MYO1A: variants seen among roughly 807,000 people sequenced by gnomAD.
MYO1A encodes the protein unconventional myosin-Ia.
In MYO1A, 127 loss-of-function variants were observed where a neutral mutation model predicts 138.5. The observed-to-expected ratio is 0.92, with a 90% confidence interval of 0.79 to 1.06. The LOEUF (loss-of-function observed/expected upper bound fraction) is 1.06. Ranked by LOEUF, MYO1A falls within the 50% of genes least tolerant of loss-of-function variation. The pLI, the probability that MYO1A is intolerant of heterozygous loss-of-function variation, is 0.00. For missense variants in MYO1A, 1,211 were observed against 1,288.8 expected, an observed-to-expected ratio of 0.94 and a Z score of 0.92; for synonymous variants, 477 against 497.5, an observed-to-expected ratio of 0.96 and a Z score of 0.55.
At chr12:57,036,423 C>A (rs778669575) in intron 21 of MYO1A, 42 bp from the exon 22 acceptor site, 2 of 1,581,736 alleles carry the variant, frequency 1.3e-6, no homozygotes, top group Admixed American at 3.3e-5. Flanking sequence ...TGAAGATAGG[C>A]AGATTCTAGA....
Position 57,029,800 on chromosome 12 carries a change from C to T in MYO1A, c.2664G>A (p.Gly888=), listed in dbSNP as rs1397300559. 1.9e-6 allele frequency: 3 copies of T among 1,614,114 alleles called. No homozygotes were observed. Among genetic ancestry groups the T allele is most frequent in the Non-Finnish European group, 2.5e-6 (3 of 1,180,044 alleles). ...CTGCCATCAGAACAGGCCCCTCCTC[C>T]CCGCCTTTCAGCTTCTGCAGCTTGG... is the stretch of plus-strand genomic sequence containing the variant. ...GNPKLQKLKG[G]EEGPVLMAEA... Residue 888 remains glycine, a synonymous_variant, in exon 25 of 28, where the codon GGG becomes GGA. Transcript: ENST00000300119.
At chr12:57,038,339 G>A (rs771264196) in intron 17 of MYO1A, 73 bp downstream of exon 17, 430 of 1,497,586 alleles carry the variant, frequency 2.9e-4, no homozygotes, top group Admixed American at 7.0e-4. Flanking sequence ...CCACATGGAC[G>A]TGTTCTACAG....
At position 57,047,369 on chromosome 12, in the gene MYO1A, A is replaced by C. The variant is rs1448396851; in HGVS notation, c.364T>G (p.Cys122Gly). 6.2e-7 allele frequency: 1 copy of C among 1,614,158 alleles called. No individual in the cohort carries two copies. The highest frequency in any genetic ancestry group is 8.5e-7 in the Non-Finnish European group (1 of 1,180,010). The change falls in exon 5 of 28, where the codon TGT becomes GGT. Residue 122 changes from cysteine (C) to glycine (G), a missense_variant. Transcript: ENST00000300119. ...GAGTTCACCTGCTCTCCTTTCCCAC[A>C]GACGGCAGCCACATAAGACATCACC... ...KLVMSYVAAV[C>G]GKGEQVNSVK...
At chr12:57,034,387 G>T (rs2030430125) in intron 22 of MYO1A, among the ~76,000 whole-genome samples, 1 of 152,208 alleles carries the variant, frequency 6.6e-6, no homozygotes. Context: ...AAGATAATGG[G>T]TAAGGCCGGG....
chr12:57,039,380 C>A, intron 14 of MYO1A, 106 bp from the exon 15 acceptor site: 1 of 863,464 alleles, frequency 1.2e-6, no homozygotes, highest in East Asian at 2.4e-5. Context: ...ATCAGAAAGC[C>A]CCATAGTTCA....
At position 57,047,691 on chromosome 12, in the gene MYO1A, T is replaced by C; in HGVS notation, c.261A>G (p.Ser87=). ...IYALANVAYQ[S]LRDRDRDQCI... ...ACTGGTCTCGGTCCCTGTCCCTCAGTGACTGGTACGCCACATTTGCCAATG... is the reference window on the plus strand; with the variant it reads ...ACTGGTCTCGGTCCCTGTCCCTCAGCGACTGGTACGCCACATTTGCCAATG... The change falls in exon 4 of 28, where the codon TCA becomes TCG. Residue 87 remains serine (S), a synonymous_variant. Coordinates refer to ENST00000300119, the MANE Select transcript of MYO1A (RefSeq NM_005379.4). 1 of 1,614,188 alleles carries C rather than the reference T, an allele frequency of 6.2e-7. No individual in the cohort carries two copies. The highest frequency in any genetic ancestry group is 1.3e-5 in the African/African-American group (1 of 75,058).
At chr12:57,030,461 C>G (rs975218099) in intron 23 of MYO1A, 145 bp from the exon 24 acceptor site, 3 of 676,822 alleles carry the variant, frequency 4.4e-6, no homozygotes, top group Non-Finnish European at 7.7e-6. Flanking sequence ...AGGGAGAGGC[C>G]GGGGCTGGAG....
intron 1 of MYO1A, among the ~76,000 whole-genome samples, chr12:57,048,765 G>A (rs2031231468): frequency 6.6e-6 from 1 of 152,072 alleles, no homozygotes; most frequent in Non-Finnish European, 1.5e-5. Flanking sequence ...CCTGGCCAGG[G>A]TCCAGACTCC....
chr12:57,048,189 A>G (rs766725268), intron 2 of MYO1A, 21 bp downstream of exon 2: 3 of 1,606,700 alleles, frequency 1.9e-6, no homozygotes, highest in Non-Finnish European at 2.6e-6. Context: ...CCACAGCCAG[A>G]GGCACCCATA....
Position 57,043,281 on chromosome 12 carries a change from T to C in MYO1A, c.970A>G (p.Thr324Ala). The C allele has an allele frequency of 6.2e-7, 1 of 1,614,194 alleles. No individual in the cohort carries two copies. The highest frequency in any genetic ancestry group is 8.5e-7 in the Non-Finnish European group (1 of 1,180,022). ...ERALCSRTMETAKEKVVTALN... is the reference protein window; with the variant it reads ...ERALCSRTMEAAKEKVVTALN... Reference sequence around the variant, plus strand: ...GCAGTGACCACCTTTTCCTTGGCTGTTTCCATGGTCCTCGAGCACAAAGCT... The same window carrying C: ...GCAGTGACCACCTTTTCCTTGGCTGCTTCCATGGTCCTCGAGCACAAAGCT... The change falls in exon 11 of 28, where the codon ACA becomes GCA. Residue 324 changes from threonine to alanine, a missense_variant. Physicochemically the swap from Thr to Ala is moderately conservative, Grantham distance 58 (BLOSUM62 0). Transcript: ENST00000300119.
At chr12:57,042,957 C>G (rs1260704939) in intron 12 of MYO1A, 115 bp downstream of exon 12, 9 of 965,120 alleles carry the variant, frequency 9.3e-6, no homozygotes, top group Admixed American at 3.7e-5. Flanking sequence ...GGAACTGTAC[C>G]CTCCCCATCA....
At chr12:57,047,523 G>C (rs956646627) in intron 4 of MYO1A, 104 bp downstream of exon 4, 1 of 1,511,806 alleles carries the variant, frequency 6.6e-7, no homozygotes, top group Non-Finnish European at 9.2e-7. Context: ...AAAGTGGAAA[G>C]GAAGTTCTGT....
In MYO1A at chr12:57,038,079, G is replaced by A. The variant is rs1175044623; in HGVS notation, c.1761-10C>T. On this transcript the variant is annotated splice_polypyrimidine_tract_variant and intron_variant, in intron 17 of 27. Transcript: ENST00000300119. The stretch of plus-strand genomic sequence containing the variant: ...ATTGGGCTTTATGCACCTGGTGGGA[G>A]GTGGGGTAAGGCACAGCCTTCAGGA... The A allele has an allele frequency of 6.2e-7, 1 of 1,613,642 alleles. No homozygotes were observed. Among genetic ancestry groups the A allele is most frequent in the South Asian group, 1.1e-5 (1 of 91,070 alleles).
intron 3 of MYO1A, 77 bp downstream of exon 3, chr12:57,047,912 A>G (rs768595572): frequency 2.9e-5 from 46 of 1,573,042 alleles, no homozygotes; most frequent in Non-Finnish European, 6.9e-6. Flanking sequence ...CTTCAGGGGA[A>G]GGGACAAAGG....
Position 57,035,918 on chromosome 12 carries a change from G to A in MYO1A, c.2349+389C>T, listed in dbSNP as rs542213420. 2.6e-5 allele frequency among the ~76,000 whole-genome samples: 4 copies of A among 152,310 alleles called. No individual in the cohort carries two copies. The East Asian group carries it at 7.7e-4, about 29-fold the overall frequency. On this transcript the variant is annotated intron_variant, in intron 22 of 27. Transcript: ENST00000300119. ...CTACTCTCACCCCAACCCTAAAATG[G>A]ATCTTGGGAGGTTGAGCTAGTTAAT...
intron 23 of MYO1A, among the ~76,000 whole-genome samples, chr12:57,030,566 C>T (rs1342672636): frequency 6.6e-6 from 1 of 152,090 alleles, no homozygotes; most frequent in Admixed American, 6.6e-5. Context: ...GCTCAGCTCT[C>T]AGGGCAAGGC....
chr12:57,050,889 G>A (rs1428663753), upstream of MYO1A: 2 of 152,148 alleles, frequency 1.3e-5, no homozygotes, highest in Non-Finnish European at 2.9e-5. Flanking sequence ...GCTAGTGCAT[G>A]GCAGAACCAG....
rs766672018 is a variant in MYO1A at position 57,048,307 on chromosome 12, C to T, written c.17G>A (p.Gly6Asp). The T allele has an allele frequency of 3.7e-6, 6 of 1,614,070 alleles. No individual in the cohort carries two copies. The highest frequency in any genetic ancestry group is 5.1e-6 in the Non-Finnish European group (6 of 1,179,914). Residue 6 changes from glycine (G) to aspartate (D), a missense_variant, in exon 2 of 28, where the codon GGT (glycine) becomes GAT (aspartate). Gly to Asp is a moderately conservative substitution (Grantham distance 94). Transcript: ENST00000300119. ...GACAAGATCCTCCACCCCCACAGAA[C>T]CTTCCAGGAGAGGCATGTCCAGAGG... MPLLE[G>D]SVGVEDLVLL...
chr12:57,043,846 G>T lies in MYO1A; in HGVS notation c.892+10C>A, dbSNP rs776903576. On this transcript the variant is annotated intron_variant, in intron 10 of 27. Transcript: ENST00000300119. Reference sequence around the variant, plus strand: ...TCTGGGTAGGAGCTCCAGCAGGCTGGGATGCAGACCTCTCCCATCACGGAT... The same window carrying T: ...TCTGGGTAGGAGCTCCAGCAGGCTGTGATGCAGACCTCTCCCATCACGGAT... The T allele has an allele frequency of 1.2e-6, 2 of 1,614,034 alleles. No individual in the cohort carries two copies. Among genetic ancestry groups the T allele is most frequent in the South Asian group, 2.2e-5 (2 of 91,058 alleles).
Sources: allele counts gnomAD v4.1 joint callset (sites outside exome capture counted in the v4.1 genomes callset), GRCh38; gene constraint gnomAD v4.1.1; transcripts MANE v1.5; gene names NCBI Gene and HGNC (gene_info 2026-07-23, HGNC 2026-07-21).